CSMD1: variants seen among roughly 807,000 people sequenced by gnomAD.
CSMD1 encodes the protein CUB and sushi domain-containing protein 1.
A neutral mutation model predicts 417.5 loss-of-function variants in CSMD1; 213 were observed. The observed-to-expected ratio is 0.51, with a 90% CI of 0.46 to 0.57. The LOEUF (loss-of-function observed/expected upper bound fraction) is 0.57. CSMD1 is among the 20% of genes least tolerant of loss of function. CSMD1 has a pLI of 0.00. For missense variants in CSMD1, 6,923 were observed against 4,529.7 expected (o/e 1.53, Z -15.17); for synonymous variants, 2,862 against 1,736.8 (o/e 1.65, Z -16.11).
At chr8:3,161,533 T>C (rs1366851102) in intron 38 of CSMD1, among the ~76,000 whole-genome samples, 1 of 151,076 alleles carries the variant, frequency 6.6e-6, no homozygotes, top group African/African-American at 2.4e-5. Flanking sequence ...AGGAGAATTG[T>C]TTGAATCTGG....
intron 27 of CSMD1, among the ~76,000 whole-genome samples, chr8:3,229,597 C>T (rs887614955): frequency 2.6e-5 from 4 of 152,032 alleles, no homozygotes; most frequent in Non-Finnish European, 5.9e-5. Context: ...TTCTAGTTTT[C>T]AGAATTCTAT....
Position 3,090,316 on chromosome 8 carries a change from CAAAAAA to C in CSMD1, c.7285+1194_7285+1199del, listed in dbSNP as rs35534326. Reference sequence around the variant, plus strand: ...TGGGCAACAGAGCCAGACTGTATTTCAAAAAAAAAAAAAAAAAAAAAAAAAGAGTCT... The same window carrying C: ...TGGGCAACAGAGCCAGACTGTATTTCAAAAAAAAAAAAAAAAAAAGAGTCT... On this transcript the variant is annotated intron_variant, in intron 48 of 69. Coordinates refer to ENST00000635120, the MANE Select transcript of CSMD1 (RefSeq NM_033225.6). 3.7e-3 allele frequency among the ~76,000 whole-genome samples: 295 copies of C among 79,814 alleles called. 2 individuals are homozygous for C. Among genetic ancestry groups the C allele is most frequent in the African/African-American group, 0.013 (276 of 21,802 alleles). 52.4% of individuals were successfully genotyped at this position (79,814 alleles called of 152,430 possible).
In CSMD1 at chr8:3,801,699, T is replaced by C. The variant is rs9644280; in HGVS notation, c.819-47657A>G. Among the ~76,000 whole-genome samples, 81 of 152,270 alleles carry C rather than the reference T, an allele frequency of 5.3e-4. No individual in the cohort carries two copies. In the East Asian group the frequency reaches 0.014, roughly 27 times the overall value. On this transcript the variant is annotated intron_variant, in intron 5 of 69. Coordinates refer to ENST00000635120, the MANE Select transcript of CSMD1 (RefSeq NM_033225.6). ...ATATTCATGGCAGCATCATTCATAA[T>C]ATCCAAAATATGGAAACAATTCAAG...
At chr8:3,182,405 G>A (rs1585579479) in intron 36 of CSMD1, among the ~76,000 whole-genome samples, 2 of 152,168 alleles carry the variant, frequency 1.3e-5, no homozygotes, top group East Asian at 3.9e-4. Context: ...AGTAGAGACG[G>A]GATTTCACCA....
chr8:4,666,778 A>C (rs920901474), intron 1 of CSMD1, among the ~76,000 whole-genome samples: 6 of 152,124 alleles, frequency 3.9e-5, no homozygotes, highest in Non-Finnish European at 8.8e-5. Flanking sequence ...TTTTGCAAAA[A>C]CGTTCTCACA....
intron 1 of CSMD1, among the ~76,000 whole-genome samples, chr8:4,930,868 T>A (rs151278413): frequency 1.6e-3 from 237 of 152,314 alleles, no homozygotes; most frequent in Middle Eastern, 6.8e-3. Context: ...TAATAAAGGG[T>A]TCCCAGAATT....
intron 2 of CSMD1, among the ~76,000 whole-genome samples, chr8:4,568,030 T>TG (rs1250169702): frequency 6.6e-6 from 1 of 152,222 alleles, no homozygotes. Flanking sequence ...CATTCTAAAA[T>TG]GTGCTTATTG....
intron 5 of CSMD1, among the ~76,000 whole-genome samples, chr8:3,866,565 G>A (rs144463366): frequency 6.6e-6 from 1 of 151,914 alleles, no homozygotes; most frequent in Admixed American, 6.6e-5. Flanking sequence ...TTTAGTTCTG[G>A]TGATGACACT....
intron 1 of CSMD1, among the ~76,000 whole-genome samples, chr8:4,744,598 T>C (rs1262694136): frequency 6.6e-6 from 1 of 152,206 alleles, no homozygotes; most frequent in Non-Finnish European, 1.5e-5. Context: ...TGGTTCGTGG[T>C]AGCAAAAATT....
chr8:4,428,446 G>A (rs369164273), intron 2 of CSMD1, among the ~76,000 whole-genome samples: 19 of 152,270 alleles, frequency 1.2e-4, no homozygotes, highest in East Asian at 1.2e-3. Context: ...TATGGAAATG[G>A]TTTTTCACAT....
chr8:4,197,731 T>C (rs1799421316), intron 3 of CSMD1, among the ~76,000 whole-genome samples: 1 of 152,008 alleles, frequency 6.6e-6, no homozygotes, highest in Non-Finnish European at 1.5e-5. Context: ...ATACAAAAAT[T>C]AGCTGGGCAT....
intron 2 of CSMD1, among the ~76,000 whole-genome samples, chr8:4,575,179 T>C (rs368928789): frequency 2.0e-5 from 3 of 152,242 alleles, no homozygotes; most frequent in Non-Finnish European, 4.4e-5. Flanking sequence ...GAACTGTATC[T>C]TATCACTTGA....
rs1045296439 is a variant in CSMD1 at position 4,813,363 on chromosome 8, A to T, written c.86-175805T>A. On this transcript the variant is annotated intron_variant, in intron 1 of 69. Transcript: ENST00000635120. ...AAGATTCTGGAAAAAAAAAATTAAT[A>T]GAACATAAAGCTGCCACCAAGCCCA... 3.9e-5 allele frequency among the ~76,000 whole-genome samples: 6 copies of T among 152,336 alleles called. No homozygotes were observed. In the East Asian group the frequency reaches 1.2e-3, roughly 29 times the overall value.
At chr8:4,780,591 T>A (rs1339935520) in intron 1 of CSMD1, among the ~76,000 whole-genome samples, 1 of 150,372 alleles carries the variant, frequency 6.7e-6, no homozygotes, top group African/African-American at 2.4e-5. Context: ...TTCCATAAGT[T>A]ATTGGGGTAC....
chr8:4,667,771 A>T (rs1805030904), intron 1 of CSMD1, among the ~76,000 whole-genome samples: 1 of 152,156 alleles, frequency 6.6e-6, no homozygotes, highest in African/African-American at 2.4e-5. Context: ...ATTGCTTAGA[A>T]TTTTTCTACA....
At chr8:3,790,199 G>A (rs769613167) in intron 5 of CSMD1, among the ~76,000 whole-genome samples, 1 of 152,206 alleles carries the variant, frequency 6.6e-6, no homozygotes, top group South Asian at 2.1e-4. Context: ...TTTGCATCTA[G>A]TGAATCAGTG....
At chr8:3,905,774 G>C (rs962544081) in intron 5 of CSMD1, among the ~76,000 whole-genome samples, 1 of 152,150 alleles carries the variant, frequency 6.6e-6, no homozygotes, top group Non-Finnish European at 1.5e-5. Context: ...CCTAAACCTT[G>C]CTCAGAATTC....
At chr8:3,340,872 G>A (rs73657819) in intron 23 of CSMD1, among the ~76,000 whole-genome samples, 2,328 of 152,266 alleles carry the variant, frequency 0.015, 69 homozygotes, top group African/African-American at 0.053. Context: ...AGGTGGAACA[G>A]AAAGGTGAAA....
chr8:4,456,135 T>G (rs1799466954), intron 2 of CSMD1, among the ~76,000 whole-genome samples: 1 of 150,036 alleles, frequency 6.7e-6, no homozygotes, highest in Non-Finnish European at 1.5e-5. Context: ...TGCCAAATGC[T>G]GAGAGGGTTA....
Sources: allele counts gnomAD v4.1 joint callset (sites outside exome capture counted in the v4.1 genomes callset), GRCh38; gene constraint gnomAD v4.1.1; transcripts MANE v1.5; gene names NCBI Gene and HGNC (gene_info 2026-07-23, HGNC 2026-07-21).